Variants in CCDC178 observed in about 807,000 individuals in gnomAD.
The protein encoded by CCDC178 is coiled-coil domain containing 178, also known as coiled-coil domain-containing protein 178.
In CCDC178, 126 loss-of-function variants were observed where a neutral mutation model predicts 117.4. That is an observed-to-expected ratio of 1.07 (90% CI 0.93 to 1.24). The LOEUF is 1.24. Ranked by LOEUF, CCDC178 falls within the 50% of genes most tolerant of loss-of-function variation. The pLI is 0.00. For missense variants in CCDC178, 1,030 were observed against 986.9 expected, an observed-to-expected ratio of 1.04 and a Z score of -0.59; for synonymous variants, 283 against 313.4, an observed-to-expected ratio of 0.90 and a Z score of 1.02.
intron 21 of CCDC178, among the ~76,000 whole-genome samples, chr18:33,029,203 T>G (rs1452836391): frequency 6.6e-6 from 1 of 151,956 alleles, no homozygotes; most frequent in Non-Finnish European, 1.5e-5. Context: ...TTCTTATAAG[T>G]CTACTCATAT....
intron 11 of CCDC178, among the ~76,000 whole-genome samples, chr18:33,314,603 A>C (rs1390373566): frequency 2.0e-5 from 3 of 152,168 alleles, no homozygotes; most frequent in African/African-American, 4.8e-5. Context: ...TGCTACCCAA[A>C]TTTTAAAAAG....
intron 20 of CCDC178, among the ~76,000 whole-genome samples, chr18:33,152,620 C>T (rs1322387924): frequency 6.6e-6 from 1 of 151,980 alleles, no homozygotes; most frequent in South Asian, 2.1e-4. Flanking sequence ...GTGAATGAGG[C>T]CATCCTAGAT....
At chr18:33,198,506 T>A (rs1409315609) in intron 20 of CCDC178, among the ~76,000 whole-genome samples, 2 of 152,124 alleles carry the variant, frequency 1.3e-5, no homozygotes, top group Non-Finnish European at 2.9e-5. Context: ...AACTCTCAAG[T>A]AAAATTCATA....
chr18:33,101,697 T>C (rs1363107964), intron 20 of CCDC178, among the ~76,000 whole-genome samples: 1 of 151,918 alleles, frequency 6.6e-6, no homozygotes, highest in African/African-American at 2.4e-5. Flanking sequence ...TATCATAAAG[T>C]AATAATGTAC....
intron 20 of CCDC178, among the ~76,000 whole-genome samples, chr18:33,111,850 G>T (rs1464325505): frequency 6.6e-6 from 1 of 151,624 alleles, no homozygotes; most frequent in African/African-American, 2.4e-5. Context: ...ATATTATTAA[G>T]ATAAAGTTTA....
At chr18:33,225,583 T>C (rs887790255) in intron 16 of CCDC178, among the ~76,000 whole-genome samples, 2 of 152,168 alleles carry the variant, frequency 1.3e-5, no homozygotes, top group Non-Finnish European at 2.9e-5. Flanking sequence ...AAATCAATCA[T>C]TCTTAAGTAA....
intron 11 of CCDC178, among the ~76,000 whole-genome samples, chr18:33,309,123 T>C (rs968637079): frequency 1.8e-4 from 28 of 151,864 alleles, no homozygotes; most frequent in African/African-American, 6.8e-4. Context: ...TTTTAAGATG[T>C]CAAGGTTTGG....
chr18:33,165,450 T>C (rs914063524), intron 20 of CCDC178, among the ~76,000 whole-genome samples: 1 of 152,204 alleles, frequency 6.6e-6, no homozygotes, highest in Non-Finnish European at 1.5e-5. Context: ...TATGCCATTG[T>C]ATGTTGGGAA....
intron 11 of CCDC178, among the ~76,000 whole-genome samples, chr18:33,312,641 C>G (rs1821068418): frequency 6.6e-6 from 1 of 152,180 alleles, no homozygotes; most frequent in African/African-American, 2.4e-5. Flanking sequence ...TGCCTTTGAT[C>G]TGTTGCAGCT....
chr18:33,241,749 C>T (rs1331105879), intron 15 of CCDC178, among the ~76,000 whole-genome samples: 4 of 151,254 alleles, frequency 2.6e-5, no homozygotes, highest in Admixed American at 6.6e-5. Flanking sequence ...ACATCCAATG[C>T]TCATGGATTG....
At chr18:33,137,296 ATT>A (rs2058140615) in intron 20 of CCDC178, among the ~76,000 whole-genome samples, 1 of 152,184 alleles carries the variant, frequency 6.6e-6, no homozygotes, top group Non-Finnish European at 1.5e-5. Flanking sequence ...CAAGTAATAT[ATT>A]GTTTTTCTAT....
intron 21 of CCDC178, among the ~76,000 whole-genome samples, chr18:32,995,371 T>A (rs2055480920): frequency 6.6e-6 from 1 of 152,148 alleles, no homozygotes; most frequent in African/African-American, 2.4e-5. Context: ...ATATAATTTT[T>A]TATTAAATCA....
In CCDC178 at chr18:33,293,306, C is replaced by T; in HGVS notation, c.1029G>A (p.Glu343=). The part of the protein sequence containing the change: ...DEKTIEAYKR[E]IYQLNSLFDH... ...CAAATAGACTGTTAAGTTGATATATCTCTCTCCTAGGGATAAAAACACAGT... is the reference window on the plus strand; with the variant it reads ...CAAATAGACTGTTAAGTTGATATATTTCTCTCCTAGGGATAAAAACACAGT... The change falls in exon 12 of 23, where the codon GAG becomes GAA. Residue 343 remains glutamate, a synonymous_variant. Transcript: ENST00000383096. The T allele has an allele frequency of 6.7e-7, 1 of 1,493,052 alleles. No individual in the cohort carries two copies. Among genetic ancestry groups the T allele is most frequent in the Non-Finnish European group, 9.2e-7 (1 of 1,082,434 alleles). 92.5% of individuals were successfully genotyped at this position (1,493,052 alleles called of 1,614,324 possible).
At chr18:33,106,359 T>G (rs1403283468) in intron 20 of CCDC178, among the ~76,000 whole-genome samples, 1 of 151,756 alleles carries the variant, frequency 6.6e-6, no homozygotes. Flanking sequence ...AAATGCTACA[T>G]CCACTCCAGA....
chr18:32,984,634 T>C (rs565212176), intron 21 of CCDC178, among the ~76,000 whole-genome samples: 1 of 152,088 alleles, frequency 6.6e-6, no homozygotes, highest in East Asian at 1.9e-4. Context: ...AATGAACGTA[T>C]ATGATTAATT....
chr18:33,275,715 T>A (rs1290057662), intron 12 of CCDC178, among the ~76,000 whole-genome samples: 1 of 145,836 alleles, frequency 6.9e-6, no homozygotes, highest in South Asian at 2.3e-4. Context: ...GAAGGGAAGC[T>A]GTAGCTTCTA....
chr18:33,372,391 C>G, intron 5 of CCDC178, among the ~76,000 whole-genome samples: 1 of 152,064 alleles, frequency 6.6e-6, no homozygotes, highest in East Asian at 1.9e-4. Flanking sequence ...ACATCTTTAG[C>G]TAAAATGATT....
intron 21 of CCDC178, among the ~76,000 whole-genome samples, chr18:33,032,542 T>G (rs1230117159): frequency 1.3e-5 from 2 of 152,084 alleles, no homozygotes; most frequent in African/African-American, 4.8e-5. Context: ...GTTTGCATAC[T>G]TACAAATTGA....
At chr18:32,983,489 A>G (rs1568197371) in intron 21 of CCDC178, 2 of 548,854 alleles carry the variant, frequency 3.6e-6, no homozygotes, top group Non-Finnish European at 6.4e-6. Context: ...CAAAGAAGAG[A>G]AAAAAATGCT....
Sources: allele counts gnomAD v4.1 joint callset (sites outside exome capture counted in the v4.1 genomes callset), GRCh38; gene constraint gnomAD v4.1.1; transcripts MANE v1.5; gene names NCBI Gene and HGNC (gene_info 2026-07-23, HGNC 2026-07-21).